Variants in LRPAP1 observed in about 807,000 individuals in gnomAD.
LRPAP1 encodes alpha-2-macroglobulin receptor-associated protein.
LRPAP1 carries 41 observed loss-of-function variants against 39.9 expected under a neutral mutation model. That is an observed-to-expected ratio of 1.03 (90% CI 0.80 to 1.33). The LOEUF (loss-of-function observed/expected upper bound fraction) is 1.33, where lower values mean the gene tolerates loss of function less well. Ranked by LOEUF, LRPAP1 falls within the 40% of genes most tolerant of loss-of-function variation. LRPAP1 has a pLI of 0.00. For missense variants in LRPAP1, 565 were observed against 482.3 expected (o/e 1.17, Z -1.61); for synonymous variants, 263 against 212.7 (o/e 1.24, Z -2.06).
At chr4:3,531,077 C>T (rs1241892571) in intron 1 of LRPAP1, among the ~76,000 whole-genome samples, 1 of 152,080 alleles carries the variant, frequency 6.6e-6, no homozygotes, top group East Asian at 1.9e-4. Flanking sequence ...GTCCCCAGCC[C>T]CTCCAGAATC....
chr4:3,520,916 C>A (rs1729890260), intron 2 of LRPAP1, among the ~76,000 whole-genome samples: 1 of 152,240 alleles, frequency 6.6e-6, no homozygotes, highest in South Asian at 2.1e-4. Context: ...TCTGTCACCA[C>A]ACGCTGCCAC....
chr4:3,527,746 G>A (rs1428281453), intron 1 of LRPAP1, among the ~76,000 whole-genome samples: 3 of 152,222 alleles, frequency 2.0e-5, no homozygotes, highest in African/African-American at 4.8e-5. Flanking sequence ...GCTGGAAAGC[G>A]GAGCTGAAGA....
At chr4:3,528,992 C>T (rs557099383) in intron 1 of LRPAP1, among the ~76,000 whole-genome samples, 2 of 152,294 alleles carry the variant, frequency 1.3e-5, no homozygotes, top group South Asian at 4.1e-4. Context: ...ATGCTTCACA[C>T]ACTCTCATTG....
At chr4:3,515,456 G>C (rs1729662470) in intron 6 of LRPAP1, among the ~76,000 whole-genome samples, 1 of 152,210 alleles carries the variant, frequency 6.6e-6, no homozygotes, top group African/African-American at 2.4e-5. Context: ...CCCTTTCTGG[G>C]GGAGGTGCTA....
chr4:3,531,621 C>A (rs1730258453), intron 1 of LRPAP1, among the ~76,000 whole-genome samples: 1 of 152,152 alleles, frequency 6.6e-6, no homozygotes, highest in Non-Finnish European at 1.5e-5. Context: ...TCGGGGCCTC[C>A]GTACCCTCAT....
chr4:3,525,386 G>A (rs1349174481), intron 1 of LRPAP1, among the ~76,000 whole-genome samples: 1 of 152,158 alleles, frequency 6.6e-6, no homozygotes, highest in Non-Finnish European at 1.5e-5. Flanking sequence ...AAACAGAGCA[G>A]GAAGAAGATA....
chr4:3,514,840 G>GC lies in LRPAP1; in HGVS notation c.922dup (p.Ala308GlyfsTer99). The GC allele has an allele frequency of 6.2e-7, 1 of 1,613,748 alleles. No individual in the cohort carries two copies. The highest frequency in any genetic ancestry group is 8.5e-7 in the Non-Finnish European group (1 of 1,179,924). On this transcript the variant is annotated frameshift_variant, in exon 7 of 8. Coordinates refer to ENST00000650182, the MANE Select transcript of LRPAP1 (RefSeq NM_002337.4). LOFTEE classifies it high-confidence loss of function. ...ACGCTCGCCGTCGCCCACGCTCTCT[G>GC]CGTGCCTCAGCTTCTCGTGCGCAAT...
chr4:3,515,953 T>A (rs1253256963), intron 6 of LRPAP1, 163 bp downstream of exon 6: 2 of 679,444 alleles, frequency 2.9e-6, no homozygotes, highest in Non-Finnish European at 5.0e-6. Flanking sequence ...CCCACGCAGA[T>A]GAGAAGGAAA....
At chr4:3,513,584 CAGGTGTA>C (rs1196201300) in intron 7 of LRPAP1, among the ~76,000 whole-genome samples, 2 of 152,192 alleles carry the variant, frequency 1.3e-5, no homozygotes, top group Non-Finnish European at 2.9e-5. Flanking sequence ...GCTGGGATTA[CAGGTGTA>C]AGCCACTGTG....
chr4:3,505,705 G>A lies in LRPAP1; in HGVS notation c.*7269C>T, dbSNP rs563084350. Among the ~76,000 whole-genome samples the A allele has an allele frequency of 2.6e-5, 4 of 152,140 alleles. No individual in the cohort carries two copies. The East Asian group carries it at 7.7e-4, about 29-fold the overall frequency. On this transcript the variant is annotated 3_prime_UTR_variant, in exon 8 of 8. Transcript: ENST00000650182. ...CGTCTATACCAGCTACCCCAAGACC[G>A]TCTATACCAGCTACGCCAAGACCGT...
In LRPAP1 at chr4:3,509,747, ACGGCAG is replaced by A. The variant is rs1729452448; in HGVS notation, c.*3221_*3226del. ...GCTGAGACGCCGACTGGAGTCACAC[ACGGCAG>A]TCAACGCGTGGACACTGGAGACTGC... On this transcript the variant is annotated 3_prime_UTR_variant, in exon 8 of 8. Transcript: ENST00000650182. 6.8e-5 allele frequency: 2 copies of A among 29,220 alleles called. No individual in the cohort carries two copies. Among genetic ancestry groups the A allele is most frequent in the Admixed American group, 4.9e-4 (1 of 2,032 alleles). 1.8% of individuals were successfully genotyped at this position (29,220 alleles called of 1,614,324 possible).
In LRPAP1 at chr4:3,516,128, C is replaced by T; in HGVS notation, c.822G>A (p.Leu274=). The stretch of plus-strand genomic sequence containing the variant: ...CGTGTTTCCTTACCCGGAACGCCTC[C>T]AGCTCCTTGTCCGTGAGGTTGGCGG... ...AQSANLTDKE[L]EAFREELKHF... The change falls in exon 6 of 8, where the codon CTG becomes CTA. Residue 274 remains leucine, a synonymous_variant. Transcript: ENST00000650182. 1.3e-6 allele frequency: 2 copies of T among 1,577,810 alleles called. No individual in the cohort carries two copies. The highest frequency in any genetic ancestry group is 1.7e-6 in the Non-Finnish European group (2 of 1,161,722).
chr4:3,524,925 G>C lies in LRPAP1; in HGVS notation c.331C>G (p.Leu111Val), dbSNP rs1448874234. 29 of 1,614,108 alleles carry C rather than the reference G, an allele frequency of 1.8e-5. No homozygotes were observed. Among genetic ancestry groups the C allele is most frequent in the Non-Finnish European group, 2.4e-5 (28 of 1,180,050 alleles). Residue 111 changes from leucine (L) to valine (V), a missense_variant, in exon 2 of 8, where the codon CTC becomes GTC. Transcript: ENST00000650182. ...AACGTACCATTGAGGTTGCGTATGA[G>C]TCTCGCTTCCTTCTCCCCATCTTCG... Reference protein sequence around the residue: ...LDEDGEKEARLIRNLNVILAK... With the variant: ...LDEDGEKEARVIRNLNVILAK...
rs183387675 is a variant in LRPAP1 at position 3,508,915 on chromosome 4, G to C, written c.*4059C>G. The C allele has an allele frequency of 2.0e-5, 3 of 152,106 alleles. No homozygotes were observed. The highest frequency in any genetic ancestry group is 6.5e-5 in the Admixed American group (1 of 15,286). The allele number at this position is 152,106 out of a possible 1,614,324, so 9.4% of individuals were successfully genotyped here. On this transcript the variant is annotated 3_prime_UTR_variant, in exon 8 of 8. Coordinates refer to ENST00000650182, the MANE Select transcript of LRPAP1 (RefSeq NM_002337.4). Reference sequence around the variant, plus strand: ...CAGTGCAGTGAGAAGCCGAGGCACAGACTGACAAGGGGAAGCAAAGCCACT... The same window carrying C: ...CAGTGCAGTGAGAAGCCGAGGCACACACTGACAAGGGGAAGCAAAGCCACT...
In LRPAP1 at chr4:3,509,827, A is replaced by G. The variant is rs888284678; in HGVS notation, c.*3147T>C. The G allele has an allele frequency of 6.8e-6, 1 of 146,270 alleles. No homozygotes were observed. Among genetic ancestry groups the G allele is most frequent in the Admixed American group, 6.9e-5 (1 of 14,518 alleles). 9.1% of individuals were successfully genotyped at this position (146,270 alleles called of 1,614,324 possible). On this transcript the variant is annotated 3_prime_UTR_variant, in exon 8 of 8. Transcript: ENST00000650182. ...ACGGCAGTCAACGCGTGGACACTGG[A>G]GACTGTTGAGACGCCGACTGGAGTC... is the stretch of plus-strand genomic sequence containing the variant.
At chr4:3,518,392 C>T (rs1328994019) in intron 4 of LRPAP1, among the ~76,000 whole-genome samples, 200 bp from the exon 5 acceptor site, 2 of 108,738 alleles carry the variant, frequency 1.8e-5, no homozygotes, top group Non-Finnish European at 4.0e-5. Context: ...GGCGAGACGC[C>T]GGGACACGCG....
rs1800485 is a variant in LRPAP1, at chr4:3,525,059, C to T, written c.205-8G>A. ...CACGGGAGGAAGATGCAGCTGCGAACGAAGGGGAGGAGCCTGTGAGCCACG... is the reference window on the plus strand; with the variant it reads ...CACGGGAGGAAGATGCAGCTGCGAATGAAGGGGAGGAGCCTGTGAGCCACG... On this transcript the variant is annotated splice_polypyrimidine_tract_variant and splice_region_variant and intron_variant, in intron 1 of 7. Transcript: ENST00000650182. 349,404 of 1,613,354 alleles carry T rather than the reference C, an allele frequency of 0.22. 41,818 individuals carry two copies. Among genetic ancestry groups the T allele is most frequent in the East Asian group, 0.5 (22,401 of 44,838 alleles).
rs758050297 is a variant in LRPAP1, at chr4:3,520,027, G to C, written c.471+45C>G. The C allele has an allele frequency of 5.4e-5, 87 of 1,604,598 alleles. No homozygotes were observed. In the Admixed American group the frequency reaches 1.3e-3, roughly 25 times the overall value. ...CACAGCCCCCGCCTTAACACTCAACGTAACGGCACCAATTCTGCAAGGTAT... is the reference window on the plus strand; with the variant it reads ...CACAGCCCCCGCCTTAACACTCAACCTAACGGCACCAATTCTGCAAGGTAT... On this transcript the variant is annotated intron_variant, in intron 3 of 7. Transcript: ENST00000650182.
chr4:3,516,361 C>T (rs1180051624), intron 5 of LRPAP1, among the ~76,000 whole-genome samples, 163 bp from the exon 6 acceptor site: 1 of 96,392 alleles, frequency 1.0e-5, no homozygotes, highest in Non-Finnish European at 2.4e-5. Context: ...TTATGGGGCA[C>T]AGAGGGCATC....
Sources: allele counts gnomAD v4.1 joint callset (sites outside exome capture counted in the v4.1 genomes callset), GRCh38; gene constraint gnomAD v4.1.1; transcripts MANE v1.5; gene names NCBI Gene and HGNC (gene_info 2026-07-23, HGNC 2026-07-21).